The following HTRA3 variants were observed in gnomAD, a reference collection of about 807,000 sequenced individuals.
The protein encoded by HTRA3 is serine protease HTRA3.
HTRA3 carries 41 observed loss-of-function variants against 43.2 expected under a neutral mutation model. The ratio of observed to expected loss-of-function variants is 0.95; its 90% CI spans 0.74 to 1.23. The LOEUF (loss-of-function observed/expected upper bound fraction) is 1.23. Among genes scored for constraint, HTRA3 ranks in the 50% most tolerant of loss-of-function variants. HTRA3 has a pLI of 0.00. For synonymous variants in HTRA3, 295 were observed against 287.9 expected (o/e 1.02, Z -0.25); for missense variants, 628 against 647.1 (o/e 0.97, Z 0.32).
At chr4:8,300,947 T>C (rs779152266) in intron 6 of HTRA3, among the ~76,000 whole-genome samples, 11 of 150,764 alleles carry the variant, frequency 7.3e-5, no homozygotes, top group Non-Finnish European at 1.3e-4. Context: ...TTATTATTGA[T>C]TCACACTCAG....
In HTRA3 at chr4:8,269,896, C is replaced by G. The variant is rs1712171212; in HGVS notation, c.-73C>G. 32 of 753,686 alleles carry G rather than the reference C, an allele frequency of 4.2e-5. No homozygotes were observed. The highest frequency in any genetic ancestry group is 5.0e-5 in the Non-Finnish European group (31 of 614,956). The allele number at this position is 753,686 out of a possible 1,614,324, so 46.7% of individuals were successfully genotyped here. A position where few individuals can be genotyped will look rare whatever the true frequency, so the allele number is the denominator to read the frequency against. ...TCCGTAGGCGCCCGGCGCCCGGCCC[C>G]GCAGCGGCCTCGTTGTCCCCGCCGG... On this transcript the variant is annotated 5_prime_UTR_variant, in exon 1 of 9. Transcript: ENST00000307358.
chr4:8,288,354 A>C (rs1713079337), intron 3 of HTRA3, among the ~76,000 whole-genome samples: 1 of 150,964 alleles, frequency 6.6e-6, no homozygotes, highest in East Asian at 2.0e-4. Flanking sequence ...GCTCACCACA[A>C]CCTCCGCCTC....
chr4:8,277,175 C>T (rs1196235356), intron 1 of HTRA3, among the ~76,000 whole-genome samples: 2 of 152,044 alleles, frequency 1.3e-5, no homozygotes, highest in Non-Finnish European at 2.9e-5. Flanking sequence ...CTTGTGGGGG[C>T]ACGGTTCACT....
At chr4:8,292,846 C>T (rs1389344129) in intron 5 of HTRA3, among the ~76,000 whole-genome samples, 1 of 152,176 alleles carries the variant, frequency 6.6e-6, no homozygotes, top group East Asian at 1.9e-4. Context: ...AAGCTCCTAT[C>T]CATGGCTGGG....
chr4:8,303,420 G>C (rs1193607608), intron 7 of HTRA3, among the ~76,000 whole-genome samples: 1 of 152,206 alleles, frequency 6.6e-6, no homozygotes, highest in African/African-American at 2.4e-5. Flanking sequence ...AGAAAGAAGG[G>C]GCTGGGGGAG....
chr4:8,299,093 A>G (rs2153006966), intron 6 of HTRA3, among the ~76,000 whole-genome samples: 1 of 152,332 alleles, frequency 6.6e-6, no homozygotes, highest in Admixed American at 6.5e-5. Context: ...CATTTTAACA[A>G]TGGTAACTCT....
chr4:8,290,867 G>C (rs1171686175), intron 3 of HTRA3, among the ~76,000 whole-genome samples: 1 of 152,208 alleles, frequency 6.6e-6, no homozygotes, highest in East Asian at 1.9e-4. Flanking sequence ...CCAGGCCTGA[G>C]TTCCCCCGTG....
intron 2 of HTRA3, 70 bp downstream of exon 2, chr4:8,282,606 C>T: frequency 8.2e-7 from 1 of 1,224,938 alleles, no homozygotes; most frequent in Non-Finnish European, 1.2e-6. Flanking sequence ...TGCTGGGGCC[C>T]AAACCAGGCT....
chr4:8,294,323 T>A, intron 6 of HTRA3, 122 bp downstream of exon 6: 3 of 667,776 alleles, frequency 4.5e-6, no homozygotes, highest in Non-Finnish European at 7.7e-6. Flanking sequence ...TGCTCACTAC[T>A]GGACAGGTCC....
At chr4:8,292,890 T>C (rs954729226) in intron 5 of HTRA3, among the ~76,000 whole-genome samples, 1 of 152,100 alleles carries the variant, frequency 6.6e-6, no homozygotes, top group Non-Finnish European at 1.5e-5. Flanking sequence ...CCAAGCACCA[T>C]GTGAGCCACA....
chr4:8,285,950 C>A (rs1712943228), intron 2 of HTRA3, among the ~76,000 whole-genome samples: 1 of 152,226 alleles, frequency 6.6e-6, no homozygotes, highest in South Asian at 2.1e-4. Flanking sequence ...CCAGCACTCA[C>A]CCTGTCGGGA....
intron 1 of HTRA3, among the ~76,000 whole-genome samples, chr4:8,273,342 G>A (rs1295818716): frequency 1.1e-4 from 16 of 152,118 alleles, no homozygotes. Flanking sequence ...GCTGGGTGCC[G>A]GTCACACTTA....
At position 8,278,580 on chromosome 4, in the gene HTRA3, C is replaced by G. The variant is rs76087582; in HGVS notation, c.386-3857C>G. Among the ~76,000 whole-genome samples, 257 of 152,282 alleles carry G rather than the reference C, an allele frequency of 1.7e-3. 3 individuals are homozygous for G. In the East Asian group the frequency reaches 0.043, roughly 26 times the overall value. ...AGTGGGAACCGCGTCCTCCCTTCCC[C>G]CTGATTCATGGCTGATTCATCTGCG... On this transcript the variant is annotated intron_variant, in intron 1 of 8. Coordinates refer to ENST00000307358, the MANE Select transcript of HTRA3 (RefSeq NM_053044.5).
chr4:8,294,300 G>A, intron 6 of HTRA3, 99 bp downstream of exon 6: 2 of 857,268 alleles, frequency 2.3e-6, no homozygotes, highest in Non-Finnish European at 3.7e-6. Flanking sequence ...CACCGGAGGT[G>A]CTGGGTGAAC....
intron 1 of HTRA3, among the ~76,000 whole-genome samples, chr4:8,271,433 T>A (rs1252782731): frequency 6.6e-6 from 1 of 152,162 alleles, no homozygotes. Context: ...GCAGAACACG[T>A]GACCTCCTCC....
chr4:8,270,755 C>T (rs904145776), intron 1 of HTRA3, among the ~76,000 whole-genome samples: 2 of 152,168 alleles, frequency 1.3e-5, no homozygotes, highest in African/African-American at 4.8e-5. Context: ...TGGGTGATGC[C>T]TTCTTTCCTG....
chr4:8,281,033 G>C (rs1712723019), intron 1 of HTRA3, among the ~76,000 whole-genome samples: 1 of 152,212 alleles, frequency 6.6e-6, no homozygotes. Context: ...TCCTTGGGCA[G>C]GGGGGTTCTT....
intron 2 of HTRA3, among the ~76,000 whole-genome samples, chr4:8,284,052 C>T (rs911691865): frequency 6.6e-6 from 1 of 152,190 alleles, no homozygotes; most frequent in African/African-American, 2.4e-5. Flanking sequence ...ACCTCAGCAT[C>T]ACATCCTCCA....
In HTRA3 at chr4:8,296,864, G is replaced by C. The variant is rs998149690; in HGVS notation, c.1051+2663G>C. On this transcript the variant is annotated intron_variant, in intron 6 of 8. Transcript: ENST00000307358. The surrounding 1 kb of genome is among the most constrained non-coding windows in gnomAD (Gnocchi z 5.3). ...AGGGAGGGGAGGGGACAGGGACAAA[G>C]ACATGTGCTTTCCCTGGTCTCAGAC... Among the ~76,000 whole-genome samples the C allele has an allele frequency of 2.6e-5, 4 of 152,184 alleles. No individual in the cohort carries two copies. Among genetic ancestry groups the C allele is most frequent in the Non-Finnish European group, 4.4e-5 (3 of 68,024 alleles).
Sources: gnomAD v4.1 joint callset for allele counts (sites outside exome capture counted in the v4.1 genomes callset) on GRCh38, gnomAD v4.1.1 for gene constraint, Gnocchi (gnomAD v3.1) non-coding constraint, MANE v1.5 for transcripts, NCBI Gene and HGNC (gene_info 2026-07-23, HGNC 2026-07-21) for gene names.